MDGA2: variants seen among roughly 807,000 people sequenced by gnomAD.
MDGA2 encodes MAM domain containing glycosylphosphatidylinositol anchor 2.
A neutral mutation model predicts 117.8 loss-of-function variants in MDGA2; 40 were observed. The ratio of observed to expected loss-of-function variants is 0.34; its 90% CI spans 0.26 to 0.44. The LOEUF (loss-of-function observed/expected upper bound fraction) is 0.44. Ranked by LOEUF, MDGA2 falls within the 20% of genes least tolerant of loss-of-function variation. The pLI, the probability that MDGA2 is intolerant of heterozygous loss-of-function variation, is 1.00. For synonymous variants in MDGA2, 452 were observed against 439.0 expected, an observed-to-expected ratio of 1.03 and a Z score of -0.37; for missense variants, 1,123 against 1,250.6, an observed-to-expected ratio of 0.90 and a Z score of 1.54.
chr14:47,338,581 T>C (rs1044229287), intron 1 of MDGA2, among the ~76,000 whole-genome samples: 22 of 151,902 alleles, frequency 1.4e-4, no homozygotes, highest in African/African-American at 4.3e-4. Context: ...TCTAAGAAAA[T>C]AGTTGTTCAA....
At chr14:47,173,090 G>T (rs1271927235) in intron 3 of MDGA2, among the ~76,000 whole-genome samples, 8 of 152,072 alleles carry the variant, frequency 5.3e-5, no homozygotes, top group Admixed American at 5.2e-4. Context: ...GAGAAGGGAA[G>T]TTTAGAGAAA....
At chr14:46,957,000 G>A (rs903234753) in intron 9 of MDGA2, among the ~76,000 whole-genome samples, 32 of 152,230 alleles carry the variant, frequency 2.1e-4, no homozygotes, top group Non-Finnish European at 4.7e-4. Context: ...TAAGTTTCCT[G>A]AGGCTTCCCA....
intron 1 of MDGA2, among the ~76,000 whole-genome samples, chr14:47,603,774 C>T (rs929999043): frequency 9.2e-5 from 14 of 152,144 alleles, no homozygotes; most frequent in African/African-American, 3.4e-4. Flanking sequence ...GGAGGCAGGG[C>T]CGGGTGAGGG....
chr14:47,636,833 A>G (rs1186306735), intron 1 of MDGA2, among the ~76,000 whole-genome samples: 4 of 132,690 alleles, frequency 3.0e-5, no homozygotes, highest in Admixed American at 8.3e-5. Flanking sequence ...TTAGCTGGGC[A>G]TGGTGGAGCG....
At position 47,144,407 on chromosome 14, in the gene MDGA2, T is replaced by C. The variant is rs1376560863; in HGVS notation, c.596-133A>G. On this transcript the variant is annotated intron_variant, in intron 3 of 16. Transcript: ENST00000399232. ...TACTTACCACTAGGTACTCTTTTTT[T>C]CACTCAGCTTATTGAATTCATTTAC... is the stretch of plus-strand genomic sequence containing the variant. The C allele has an allele frequency of 5.2e-6, 3 of 576,040 alleles. No homozygotes were observed. In the African/African-American group the frequency reaches 5.7e-5, roughly 11 times the overall value. The allele number at this position is 576,040 out of a possible 1,614,324, so 35.7% of individuals were successfully genotyped here.
chr14:47,214,020 G>C (rs889343307), intron 3 of MDGA2, among the ~76,000 whole-genome samples: 1 of 152,066 alleles, frequency 6.6e-6, no homozygotes, highest in African/African-American at 2.4e-5. Context: ...GAAGAGGGGG[G>C]TAAAGAGTCC....
chr14:47,473,581 C>A (rs1893774030), intron 1 of MDGA2, among the ~76,000 whole-genome samples: 2 of 151,760 alleles, frequency 1.3e-5, no homozygotes, highest in Non-Finnish European at 1.5e-5. Context: ...AATTGAAAAG[C>A]AAAAGACGGG....
chr14:47,318,262 C>T (rs905752781), intron 1 of MDGA2, among the ~76,000 whole-genome samples: 3 of 152,136 alleles, frequency 2.0e-5, no homozygotes, highest in African/African-American at 7.2e-5. Context: ...ACCTTAAAAA[C>T]GCTGGAAATT....
intron 8 of MDGA2, among the ~76,000 whole-genome samples, chr14:47,021,730 C>T (rs1029604873): frequency 1.3e-5 from 2 of 152,094 alleles, no homozygotes; most frequent in African/African-American, 2.4e-5. Context: ...AACTTCCATA[C>T]TCGAAGATTA....
At chr14:47,364,637 T>C (rs1446147727) in intron 1 of MDGA2, among the ~76,000 whole-genome samples, 2 of 152,240 alleles carry the variant, frequency 1.3e-5, no homozygotes, top group Admixed American at 6.5e-5. Flanking sequence ...TAAAGTCTTT[T>C]CTTTAAAGCA....
intron 14 of MDGA2, among the ~76,000 whole-genome samples, chr14:46,867,465 C>T (rs992726763): frequency 8.6e-5 from 13 of 151,912 alleles, no homozygotes; most frequent in African/African-American, 1.7e-4. Context: ...GTGGGTGCAG[C>T]GCACCAGCAT....
intron 1 of MDGA2, among the ~76,000 whole-genome samples, chr14:47,457,534 A>G (rs1240217904): frequency 6.6e-6 from 1 of 152,180 alleles, no homozygotes; most frequent in Non-Finnish European, 1.5e-5. Context: ...TTAGAGAGAG[A>G]GGAGATAATA....
chr14:46,900,111 T>A lies in MDGA2; in HGVS notation c.2239-17890A>T, dbSNP rs529960068. Among the ~76,000 whole-genome samples the A allele has an allele frequency of 9.9e-5, 15 of 152,176 alleles. No homozygotes were observed. The South Asian group carries it at 3.1e-3, about 32-fold the overall frequency. ...AAGATATACAGATGGAAAATAAACA[T>A]CTGAAATATCATCGGGCATTAGAGA... On this transcript the variant is annotated intron_variant, in intron 10 of 16. Coordinates refer to ENST00000399232, the MANE Select transcript of MDGA2 (RefSeq NM_001113498.3).
At chr14:47,154,674 C>T (rs1157891638) in intron 3 of MDGA2, among the ~76,000 whole-genome samples, 1 of 152,194 alleles carries the variant, frequency 6.6e-6, no homozygotes, top group Non-Finnish European at 1.5e-5. Context: ...ACACACCAGC[C>T]TCTTACTACC....
chr14:47,038,832 C>T (rs973257400), intron 7 of MDGA2, among the ~76,000 whole-genome samples: 3 of 151,592 alleles, frequency 2.0e-5, no homozygotes, highest in Non-Finnish European at 4.4e-5. Context: ...GTCCTAGCTA[C>T]TCTGGAGGCT....
intron 15 of MDGA2, among the ~76,000 whole-genome samples, chr14:46,848,387 T>C (rs926932767): frequency 2.0e-5 from 3 of 151,898 alleles, no homozygotes; most frequent in Non-Finnish European, 4.4e-5. Context: ...TATAAAATGG[T>C]GAGATTTCTT....
At chr14:46,926,440 C>T (rs1884335515) in intron 9 of MDGA2, among the ~76,000 whole-genome samples, 2 of 150,310 alleles carry the variant, frequency 1.3e-5, no homozygotes, top group Non-Finnish European at 3.0e-5. Flanking sequence ...AAAAAGCCTT[C>T]TAAAAATCAG....
rs1896502474 is a variant in MDGA2 at position 47,594,660 on chromosome 14, C to T, written c.280+79857G>A. Among the ~76,000 whole-genome samples the T allele has an allele frequency of 2.6e-5, 4 of 152,306 alleles. No individual in the cohort carries two copies. The South Asian group carries it at 8.3e-4, about 32-fold the overall frequency. ...AACAATTGTGCTAGTTACTTAAAGA[C>T]TCTTTAACCATGATTCTTCACCAGG... On this transcript the variant is annotated intron_variant, in intron 1 of 16. Transcript: ENST00000399232.
At chr14:47,499,018 T>C (rs868563809) in intron 1 of MDGA2, among the ~76,000 whole-genome samples, 6 of 152,148 alleles carry the variant, frequency 3.9e-5, no homozygotes, top group Admixed American at 1.3e-4. Flanking sequence ...TTTTTTATTC[T>C]ACAATATTTA....
Sources: allele counts gnomAD v4.1 joint callset (sites outside exome capture counted in the v4.1 genomes callset), GRCh38; gene constraint gnomAD v4.1.1; transcripts MANE v1.5; gene names NCBI Gene and HGNC (gene_info 2026-07-23, HGNC 2026-07-21).